SPAG16: variants seen among roughly 807,000 people sequenced by gnomAD.
SPAG16 encodes the protein sperm associated antigen 16, also known as sperm-associated antigen 16 protein.
In SPAG16, 86 loss-of-function variants were observed where a neutral mutation model predicts 80.4. The observed-to-expected ratio is 1.07, with a 90% CI of 0.90 to 1.28. The LOEUF (loss-of-function observed/expected upper bound fraction) is 1.28. Among genes scored for constraint, SPAG16 ranks in the 50% most tolerant of loss-of-function variants. The pLI is 0.00. For synonymous variants in SPAG16, 294 were observed against 265.9 expected, an observed-to-expected ratio of 1.11 and a Z score of -1.03; for missense variants, 870 against 765.3, an observed-to-expected ratio of 1.14 and a Z score of -1.61.
chr2:214,030,825 A>G (rs1459281620), intron 13 of SPAG16, among the ~76,000 whole-genome samples: 1 of 152,174 alleles, frequency 6.6e-6, no homozygotes, highest in Non-Finnish European at 1.5e-5. Flanking sequence ...TTTCATCTGC[A>G]TCTCTCTGTT....
intron 9 of SPAG16, among the ~76,000 whole-genome samples, chr2:213,447,089 T>C (rs2071363618): frequency 6.6e-6 from 1 of 152,192 alleles, no homozygotes; most frequent in Non-Finnish European, 1.5e-5. Context: ...TCACATGTAG[T>C]AGTATTAAAA....
intron 1 of SPAG16, among the ~76,000 whole-genome samples, chr2:213,287,110 C>CT (rs147945195): frequency 0.06 from 9,099 of 152,236 alleles, 906 homozygotes; most frequent in African/African-American, 0.21. Flanking sequence ...TGTCAGAACA[C>CT]TAAGAAATTG....
intron 11 of SPAG16, among the ~76,000 whole-genome samples, chr2:213,907,992 A>C (rs1001350467): frequency 1.3e-5 from 2 of 152,196 alleles, no homozygotes; most frequent in South Asian, 4.1e-4. Flanking sequence ...AGTTTCAAAA[A>C]TCTAGAAGAT....
chr2:214,102,017 C>A (rs529199803), intron 13 of SPAG16, among the ~76,000 whole-genome samples: 4 of 151,790 alleles, frequency 2.6e-5, no homozygotes, highest in African/African-American at 9.7e-5. Flanking sequence ...TAAGAAAGTG[C>A]ACGCATTTCA....
intron 10 of SPAG16, among the ~76,000 whole-genome samples, chr2:213,744,326 G>T (rs2067715941): frequency 6.6e-6 from 1 of 152,006 alleles, no homozygotes; most frequent in Non-Finnish European, 1.5e-5. Context: ...TTCCATGTTG[G>T]CTGGAAACTG....
rs534565046 is a variant in SPAG16 at position 213,508,444 on chromosome 2, C to T, written c.1070+18354C>T. 6.5e-3 allele frequency among the ~76,000 whole-genome samples: 992 copies of T among 152,188 alleles called. 6 individuals carry two copies. Among genetic ancestry groups the T allele is most frequent in the Non-Finnish European group, 0.011 (763 of 67,992 alleles). On this transcript the variant is annotated intron_variant, in intron 10 of 15. Transcript: ENST00000331683. The stretch of plus-strand genomic sequence containing the variant: ...AAAATTAGCCGGGCGCGGTGGCGGG[C>T]GCCTGTAGTCCCAGCTACTGGGGAG...
At chr2:213,627,470 C>T (rs1048601088) in intron 10 of SPAG16, among the ~76,000 whole-genome samples, 3 of 152,148 alleles carry the variant, frequency 2.0e-5, no homozygotes, top group South Asian at 2.1e-4. Flanking sequence ...AAGCCACTTG[C>T]GGAAAGCCCC....
At chr2:214,105,267 G>A (rs2053322822) in intron 13 of SPAG16, among the ~76,000 whole-genome samples, 1 of 152,072 alleles carries the variant, frequency 6.6e-6, no homozygotes, top group Non-Finnish European at 1.5e-5. Context: ...TGGAACTCAG[G>A]GAGAAGTAAG....
In SPAG16 at chr2:213,721,217, G is replaced by C. The variant is rs10084205; in HGVS notation, c.1071-141268G>C. 2.0e-5 allele frequency among the ~76,000 whole-genome samples: 3 copies of C among 151,872 alleles called. No individual in the cohort carries two copies. The South Asian group carries it at 6.2e-4, about 32-fold the overall frequency. On this transcript the variant is annotated intron_variant, in intron 10 of 15. Coordinates refer to ENST00000331683, the MANE Select transcript of SPAG16 (RefSeq NM_024532.5). ...TGGGTTCAAGCTGCCTCTTGCCTCA[G>C]CCTCCCGAGTAGCTGGGATTAAAGG...
intron 10 of SPAG16, among the ~76,000 whole-genome samples, chr2:213,555,917 A>C (rs1435082697): frequency 2.6e-5 from 4 of 152,206 alleles, no homozygotes; most frequent in Non-Finnish European, 1.5e-5. Flanking sequence ...GTAAAATAAA[A>C]ATATGTAAAT....
intron 1 of SPAG16, among the ~76,000 whole-genome samples, chr2:213,286,793 C>A (rs1280925599): frequency 6.6e-6 from 1 of 152,164 alleles, no homozygotes; most frequent in Non-Finnish European, 1.5e-5. Flanking sequence ...GACTTGAATT[C>A]TTTAGGAAAT....
chr2:213,649,358 A>G (rs994542764), intron 10 of SPAG16, among the ~76,000 whole-genome samples: 3 of 152,222 alleles, frequency 2.0e-5, no homozygotes, highest in Non-Finnish European at 2.9e-5. Flanking sequence ...GAAAGGTTAT[A>G]CAATGAGGAG....
At chr2:214,353,699 A>G (rs1370895393) in intron 15 of SPAG16, among the ~76,000 whole-genome samples, 1 of 152,164 alleles carries the variant, frequency 6.6e-6, no homozygotes, top group Middle Eastern at 3.2e-3. Flanking sequence ...GATTTCAAAG[A>G]TATTTAAACT....
At chr2:214,073,309 T>C (rs2050898478) in intron 13 of SPAG16, among the ~76,000 whole-genome samples, 1 of 151,574 alleles carries the variant, frequency 6.6e-6, no homozygotes, top group Non-Finnish European at 1.5e-5. Context: ...CAATCTTGGC[T>C]CACTGCAACC....
At chr2:213,953,677 A>T (rs1345255061) in intron 12 of SPAG16, among the ~76,000 whole-genome samples, 2 of 151,912 alleles carry the variant, frequency 1.3e-5, no homozygotes, top group African/African-American at 4.8e-5. Context: ...AGTTTACCAG[A>T]TTTTTTTACT....
Position 214,186,761 on chromosome 2 carries a change from T to C in SPAG16, c.1720+37495T>C, listed in dbSNP as rs575437219. Among the ~76,000 whole-genome samples, 10 of 152,112 alleles carry C rather than the reference T, an allele frequency of 6.6e-5. No homozygotes were observed. In the South Asian group the frequency reaches 2.1e-3, roughly 32 times the overall value. On this transcript the variant is annotated intron_variant, in intron 15 of 15. Transcript: ENST00000331683. The stretch of plus-strand genomic sequence containing the variant: ...AATATGCAAGTAGTTGTTTTTTTGT[T>C]TTTTTGTTTTTTTTTTGAAATGGAG...
At chr2:213,565,342 G>C (rs1299990906) in intron 10 of SPAG16, among the ~76,000 whole-genome samples, 1 of 152,214 alleles carries the variant, frequency 6.6e-6, no homozygotes, top group African/African-American at 2.4e-5. Flanking sequence ...TAGTCCAGAA[G>C]TAAATACAAG....
At chr2:213,846,697 CTTTTAA>C (rs2074645214) in intron 10 of SPAG16, among the ~76,000 whole-genome samples, 1 of 151,832 alleles carries the variant, frequency 6.6e-6, no homozygotes, top group Non-Finnish European at 1.5e-5. Flanking sequence ...TAATATATGT[CTTTTAA>C]TTTAAATTTA....
chr2:213,900,499 A>G (rs2077176412), intron 11 of SPAG16, among the ~76,000 whole-genome samples: 1 of 152,162 alleles, frequency 6.6e-6, no homozygotes, highest in Non-Finnish European at 1.5e-5. Flanking sequence ...CCGGGTCTTC[A>G]TCATGCCCCT....
Sources: gnomAD v4.1 joint callset for allele counts (sites outside exome capture counted in the v4.1 genomes callset) on GRCh38, gnomAD v4.1.1 for gene constraint, MANE v1.5 for transcripts, NCBI Gene and HGNC (gene_info 2026-07-23, HGNC 2026-07-21) for gene names.